The following DST variants were observed in gnomAD, a reference collection of about 807,000 sequenced individuals.
DST encodes bullous pemphigoid antigen.
DST carries 253 observed loss-of-function variants against 875.2 expected under a neutral mutation model. The observed-to-expected ratio is 0.29, with a 90% CI of 0.26 to 0.32. The LOEUF (loss-of-function observed/expected upper bound fraction) is 0.32, where lower values mean the gene tolerates loss of function less well. Among genes scored for constraint, DST ranks in the 10% least tolerant of loss-of-function variants. DST has a pLI of 1.00. For missense variants in DST, 8,287 were observed against 9,111.6 expected, an observed-to-expected ratio of 0.91 and a Z score of 3.68; for synonymous variants, 3,124 against 3,197.1, an observed-to-expected ratio of 0.98 and a Z score of 0.77.
At chr6:56,612,637 T>C (rs372213176) in intron 37 of DST, among the ~76,000 whole-genome samples, 2 of 152,348 alleles carry the variant, frequency 1.3e-5, no homozygotes. Context: ...ATGAAGTCTA[T>C]TTAGAGTCAA....
chr6:56,560,246 A>G, intron 58 of DST, 48 bp downstream of exon 58: 1 of 1,492,736 alleles, frequency 6.7e-7, no homozygotes, highest in Non-Finnish European at 9.0e-7. Context: ...AACATGAAAA[A>G]TGATTGCACT....
chr6:56,555,513 C>T lies in DST; in HGVS notation c.14968G>A (p.Ala4990Thr). ...TGTATCTCCTGCTTCATTTTTTGGG[C>T]TGTTTCCAACTGTTGGTTCATAGCA... ...PDAMNQQLETAQKMKQEIQQE... is the reference protein window; with the variant it reads ...PDAMNQQLETTQKMKQEIQQE... The change falls in exon 60 of 104, where the codon GCC becomes ACC. Residue 4990 changes from alanine to threonine, a missense_variant. Around this residue, in one of 10 missense-constraint regions of DST, gnomAD observed 1,513 missense variants for 1,677.8 expected, o/e 0.90. Coordinates refer to ENST00000680361, the MANE Select transcript of DST (RefSeq NM_001374736.1). The T allele has an allele frequency of 6.2e-7, 1 of 1,613,982 alleles. No individual in the cohort carries two copies. The highest frequency in any genetic ancestry group is 8.5e-7 in the Non-Finnish European group (1 of 1,179,896).
intron 10 of DST, among the ~76,000 whole-genome samples, chr6:56,660,012 T>C (rs1238176324): frequency 2.6e-5 from 4 of 152,118 alleles, no homozygotes; most frequent in African/African-American, 9.7e-5. Context: ...TTTCTACTTG[T>C]TGGCTTCAAT....
Position 56,603,647 on chromosome 6 carries a change from G to C in DST, c.10858C>G (p.Gln3620Glu). The C allele has an allele frequency of 6.2e-7, 1 of 1,611,068 alleles. No individual in the cohort carries two copies. The highest frequency in any genetic ancestry group is 8.5e-7 in the Non-Finnish European group (1 of 1,178,782). Residue 3620 changes from glutamine (Q) to glutamate (E), a missense_variant, in exon 41 of 104, where the codon CAA becomes GAA. Physicochemically the swap from Gln to Glu is conservative, Grantham distance 29 (BLOSUM62 2). Around this residue, in one of 10 missense-constraint regions of DST, gnomAD observed 3,138 missense variants for 3,116.6 expected, o/e 1.01. Transcript: ENST00000680361. ...TTGTCTAAGGGGGGTTTCATATCTT[G>C]AAGCAATGTCAAATACTCATGCATT... Reference protein sequence around the residue: ...EKMHEYLTLLQDMKPPLDNQE... With the variant: ...EKMHEYLTLLEDMKPPLDNQE...
At chr6:56,688,184 T>C (rs1469304433) in intron 9 of DST, among the ~76,000 whole-genome samples, 1 of 152,194 alleles carries the variant, frequency 6.6e-6, no homozygotes, top group Non-Finnish European at 1.5e-5. Context: ...GAAATCAATA[T>C]GAATGTTCAT....
chr6:56,529,613 G>A lies in DST; in HGVS notation c.17430C>T (p.His5810=). 1.2e-6 allele frequency: 2 copies of A among 1,613,760 alleles called. No homozygotes were observed. Among genetic ancestry groups the A allele is most frequent in the South Asian group, 1.1e-5 (1 of 91,076 alleles). The stretch of plus-strand genomic sequence containing the variant: ...CCTGCTGGAGGAGCTCAGACCTGCT[G>A]TGACTTTTCTCTTGAATCTCAATGT... ...VWYIEIQEKS[H]SRSELLQQAL... is the part of the protein sequence containing the mutation. Residue 5810 remains histidine, a synonymous_variant, in exon 66 of 104, where the codon CAC becomes CAT. Coordinates refer to ENST00000680361, the MANE Select transcript of DST (RefSeq NM_001374736.1).
intron 4 of DST, among the ~76,000 whole-genome samples, chr6:56,744,387 A>G (rs918252290): frequency 2.0e-5 from 3 of 152,048 alleles, no homozygotes; most frequent in Non-Finnish European, 4.4e-5. Flanking sequence ...TCAAAAAAAA[A>G]AAAGGTAAAC....
intron 55 of DST, 87 bp downstream of exon 55, chr6:56,568,382 G>T: frequency 1.5e-6 from 2 of 1,368,930 alleles, no homozygotes; most frequent in Non-Finnish European, 2.0e-6. Context: ...GTTATTTTAT[G>T]CATTAATTTA....
intron 4 of DST, among the ~76,000 whole-genome samples, chr6:56,801,403 A>G (rs2099746656): frequency 1.3e-5 from 2 of 152,358 alleles, no homozygotes; most frequent in South Asian, 4.1e-4. Context: ...CTATCTGAGA[A>G]TATCTAATAA....
At position 56,532,389 on chromosome 6, in the gene DST, A is replaced by G; in HGVS notation, c.17063T>C (p.Leu5688Pro). The G allele has an allele frequency of 1.9e-6, 3 of 1,613,728 alleles. No homozygotes were observed. The highest frequency in any genetic ancestry group is 2.5e-6 in the Non-Finnish European group (3 of 1,179,710). The change falls in exon 64 of 104, where the codon CTC becomes CCC. Residue 5688 changes from leucine to proline, a missense_variant. Coordinates refer to ENST00000680361, the MANE Select transcript of DST (RefSeq NM_001374736.1). ...DKVKILKQLS[L>P]LDSRWEALLN... ...CAATGCCTCCCATCTGCTATCCAAG[A>G]GACTGAGCTGTTTCAAAATCTTCAC...
intron 50 of DST, among the ~76,000 whole-genome samples, chr6:56,577,023 T>C (rs374051358): frequency 7.5e-4 from 114 of 152,296 alleles, no homozygotes; most frequent in African/African-American, 2.6e-3. Context: ...CTAAAAAATA[T>C]TTTAGAAAAA....
intron 58 of DST, among the ~76,000 whole-genome samples, chr6:56,558,859 C>CT (rs1004610770): frequency 2.0e-5 from 3 of 152,104 alleles, no homozygotes; most frequent in African/African-American, 7.2e-5. Context: ...GCTATACCTC[C>CT]TCTCTATATA....
At chr6:56,729,179 A>G (rs2099485972) in intron 5 of DST, among the ~76,000 whole-genome samples, 1 of 152,216 alleles carries the variant, frequency 6.6e-6, no homozygotes, top group Non-Finnish European at 1.5e-5. Flanking sequence ...AGGAACTACT[A>G]ACATAAATCT....
At chr6:56,866,986 C>T (rs1486879786) in intron 3 of DST, among the ~76,000 whole-genome samples, 1 of 152,140 alleles carries the variant, frequency 6.6e-6, no homozygotes, top group Non-Finnish European at 1.5e-5. Flanking sequence ...GCCTGCAATA[C>T]TTGCCCTGAA....
intron 99 of DST, 54 bp from the exon 100 acceptor site, chr6:56,464,810 G>A: frequency 7.3e-7 from 1 of 1,366,484 alleles, no homozygotes; most frequent in Non-Finnish European, 1.0e-6. Context: ...GTTAGCAGAA[G>A]AAGAAACAAA....
chr6:56,606,582 C>T lies in DST; in HGVS notation c.8046G>A (p.Lys2682=). ...QGAPVGSLSV[K]NKAHCLQDFL... is the part of the protein sequence containing the mutation. ...AATCCTGAAGACAATGTGCTTTGTTCTTCACACTTAAGCTACCAACTGGTG... is the reference window on the plus strand; with the variant it reads ...AATCCTGAAGACAATGTGCTTTGTTTTTCACACTTAAGCTACCAACTGGTG... The change falls in exon 40 of 104, where the codon AAG becomes AAA. Residue 2682 remains lysine, a synonymous_variant. Transcript: ENST00000680361. The T allele has an allele frequency of 6.2e-7, 1 of 1,613,536 alleles. No homozygotes were observed. The highest frequency in any genetic ancestry group is 8.5e-7 in the Non-Finnish European group (1 of 1,179,594).
Position 56,851,517 on chromosome 6 carries a change from C to A in DST, c.505G>T (p.Ala169Ser), listed in dbSNP as rs770453584. Residue 169 changes from alanine to serine, a missense_variant, in exon 4 of 104, where the codon GCA (alanine) becomes TCA (serine). Around this residue, in one of 10 missense-constraint regions of DST, gnomAD observed 1,160 missense variants for 1,424.3 expected, o/e 0.81. Coordinates refer to ENST00000680361, the MANE Select transcript of DST (RefSeq NM_001374736.1). ...EDDFSQKSGS[A>S]SPAPGDTLPW... Reference sequence around the variant, plus strand: ...AAGGTGTCTCCCGGAGCTGGGGATGCGGAGCCAGATTTCTGGCTGAAATCA... The same window carrying A: ...AAGGTGTCTCCCGGAGCTGGGGATGAGGAGCCAGATTTCTGGCTGAAATCA... The A allele has an allele frequency of 6.2e-7, 1 of 1,613,994 alleles. No homozygotes were observed. Among genetic ancestry groups the A allele is most frequent in the Non-Finnish European group, 8.5e-7 (1 of 1,179,892 alleles).
intron 7 of DST, among the ~76,000 whole-genome samples, chr6:56,703,302 A>G (rs532236343): frequency 1.3e-4 from 20 of 152,290 alleles, no homozygotes; most frequent in African/African-American, 4.8e-4. Flanking sequence ...AAACTGAATG[A>G]ATTTGCACAA....
intron 3 of DST, among the ~76,000 whole-genome samples, chr6:56,890,949 G>C (rs557906926): frequency 6.6e-6 from 1 of 152,300 alleles, no homozygotes; most frequent in South Asian, 2.1e-4. Context: ...AATCAGAGTT[G>C]CTTTCATGGC....
Sources: gnomAD v4.1 joint callset for allele counts (sites outside exome capture counted in the v4.1 genomes callset) on GRCh38, gnomAD v4.1.1 for gene constraint, gnomAD v4.1.1 regional missense constraint, MANE v1.5 for transcripts, NCBI Gene and HGNC (gene_info 2026-07-23, HGNC 2026-07-21) for gene names.